The following PAK5 variants were observed in gnomAD, a reference collection of about 807,000 sequenced individuals.
The protein encoded by PAK5 is serine/threonine-protein kinase PAK 5.
In PAK5, 16 loss-of-function variants were observed where a neutral mutation model predicts 65.9. The ratio of observed to expected loss-of-function variants is 0.24; its 90% CI spans 0.16 to 0.37. The LOEUF is 0.37. Ranked by LOEUF, PAK5 falls within the 10% of genes least tolerant of loss-of-function variation. PAK5 has a pLI of 1.00. For synonymous variants in PAK5, 371 were observed against 354.9 expected (o/e 1.05, Z -0.51); for missense variants, 785 against 903.9 (o/e 0.87, Z 1.69).
intron 1 of PAK5, among the ~76,000 whole-genome samples, chr20:9,723,680 T>G (rs1322807416): frequency 1.3e-5 from 2 of 152,140 alleles, no homozygotes; most frequent in Non-Finnish European, 1.5e-5. Context: ...AGCTGGCAGG[T>G]GCAGAATGAG....
intron 2 of PAK5, among the ~76,000 whole-genome samples, chr20:9,666,538 AT>A (rs1262333115): frequency 6.6e-6 from 1 of 151,994 alleles, no homozygotes; most frequent in African/African-American, 2.4e-5. Context: ...GTTCCACAAC[AT>A]TTTGAGTTAT....
At chr20:9,722,834 C>A (rs2048233696) in intron 1 of PAK5, among the ~76,000 whole-genome samples, 1 of 151,278 alleles carries the variant, frequency 6.6e-6, no homozygotes, top group Non-Finnish European at 1.5e-5. Flanking sequence ...CCTCCCAGGC[C>A]CAACTGATTC....
intron 2 of PAK5, among the ~76,000 whole-genome samples, chr20:9,706,833 C>G (rs1454780397): frequency 1.3e-5 from 2 of 151,918 alleles, no homozygotes; most frequent in Non-Finnish European, 2.9e-5. Context: ...AAGAGATAAT[C>G]TTAACAATTT....
intron 1 of PAK5, among the ~76,000 whole-genome samples, chr20:9,780,465 T>A (rs2048929948): frequency 6.6e-6 from 1 of 152,128 alleles, no homozygotes; most frequent in Non-Finnish European, 1.5e-5. Context: ...GTTATCCATG[T>A]CTTGGAAGAT....
chr20:9,827,079 G>A (rs1978337686), intron 1 of PAK5, among the ~76,000 whole-genome samples: 1 of 152,134 alleles, frequency 6.6e-6, no homozygotes, highest in East Asian at 1.9e-4. Context: ...AACAGGTAGA[G>A]GGTTTAATCT....
chr20:9,756,621 T>C (rs2048637305), intron 1 of PAK5, among the ~76,000 whole-genome samples: 1 of 152,216 alleles, frequency 6.6e-6, no homozygotes, highest in South Asian at 2.1e-4. Flanking sequence ...GTTATCTACA[T>C]GTTAAAATGG....
rs748656973 is a variant in PAK5, at chr20:9,580,730, G to A, written c.405C>T (p.Ser135=). Residue 135 remains serine, a synonymous_variant, in exon 4 of 10, where the codon TCC becomes TCT. Transcript: ENST00000353224. ...FITFSQYSSE[S]DTTADYTTEK... ...CGGTCGTGTAGTCAGCAGTAGTATC[G>A]GATTCGCTGGAATACTGGGAGAAGG... 2.5e-6 allele frequency: 4 copies of A among 1,613,768 alleles called. No homozygotes were observed. Among genetic ancestry groups the A allele is most frequent in the East Asian group, 2.2e-5 (1 of 44,854 alleles).
In PAK5 at chr20:9,649,875, T is replaced by C. The variant is rs1443671103; in HGVS notation, c.-11-5536A>G. Among the ~76,000 whole-genome samples, 16 of 152,266 alleles carry C rather than the reference T, an allele frequency of 1.1e-4. No homozygotes were observed. In the East Asian group the frequency reaches 3.1e-3, roughly 29 times the overall value. On this transcript the variant is annotated intron_variant, in intron 2 of 9. Transcript: ENST00000353224. ...ATTCATATTGTAAGGACTATTATTATTTCTGCTACACAGATAAGGAAACTG... is the reference window on the plus strand; with the variant it reads ...ATTCATATTGTAAGGACTATTATTACTTCTGCTACACAGATAAGGAAACTG...
intron 1 of PAK5, among the ~76,000 whole-genome samples, chr20:9,749,980 A>G (rs1263545651): frequency 2.0e-5 from 3 of 152,316 alleles, no homozygotes; most frequent in African/African-American, 7.2e-5. Flanking sequence ...TTTCATTAAG[A>G]CAAATTATCC....
At chr20:9,713,914 A>G (rs992771091) in intron 1 of PAK5, among the ~76,000 whole-genome samples, 2 of 152,032 alleles carry the variant, frequency 1.3e-5, no homozygotes, top group Non-Finnish European at 2.9e-5. Flanking sequence ...ATATAGTTAG[A>G]TAGAAGGAAT....
rs75927108 is a variant in PAK5, at chr20:9,545,962, A to G, written c.1744-1468T>C. On this transcript the variant is annotated intron_variant, in intron 7 of 9. Coordinates refer to ENST00000353224, the MANE Select transcript of PAK5 (RefSeq NM_177990.4). Reference sequence around the variant, plus strand: ...TATCTCTGTGGCTTCAACACCCACAATAGTGCTTGGCCCATGATAGGTTTT... The same window carrying G: ...TATCTCTGTGGCTTCAACACCCACAGTAGTGCTTGGCCCATGATAGGTTTT... Among the ~76,000 whole-genome samples the G allele has an allele frequency of 5.2e-3, 795 of 152,290 alleles. 5 individuals are homozygous for G. The highest frequency in any genetic ancestry group is 7.5e-3 in the Non-Finnish European group (507 of 68,034).
intron 2 of PAK5, among the ~76,000 whole-genome samples, chr20:9,667,735 C>A (rs1178722577): frequency 6.6e-6 from 1 of 152,112 alleles, no homozygotes; most frequent in Non-Finnish European, 1.5e-5. Context: ...TGTCACACAG[C>A]AGTAGATCAC....
At chr20:9,618,916 T>C (rs7267867) in intron 3 of PAK5, among the ~76,000 whole-genome samples, 8 of 26,730 alleles carry the variant, frequency 3.0e-4, no homozygotes, top group Non-Finnish European at 1.6e-4. Context: ...CTTTCTTTCG[T>C]TTTTTTTTTT....
intron 4 of PAK5, among the ~76,000 whole-genome samples, chr20:9,570,459 C>T (rs148127147): frequency 3.3e-4 from 38 of 115,914 alleles, no homozygotes; most frequent in African/African-American, 1.7e-3. Context: ...ACAAGGAAAA[C>T]GTGTGTGTGT....
chr20:9,693,971 C>T (rs2047833029), intron 2 of PAK5, among the ~76,000 whole-genome samples: 1 of 151,462 alleles, frequency 6.6e-6, no homozygotes, highest in Admixed American at 6.6e-5. Flanking sequence ...GTCTATAGAA[C>T]CTGCCTATCA....
intron 3 of PAK5, among the ~76,000 whole-genome samples, chr20:9,635,361 C>T (rs2046970878): frequency 1.3e-5 from 2 of 152,128 alleles, no homozygotes; most frequent in African/African-American, 4.8e-5. Context: ...AGACCTGTGT[C>T]CTTCATGCAC....
At position 9,816,621 on chromosome 20, in the gene PAK5, T is replaced by C. The variant is rs575192373; in HGVS notation, c.-162+22141A>G. On this transcript the variant is annotated intron_variant, in intron 1 of 9. Transcript: ENST00000353224. The stretch of plus-strand genomic sequence containing the variant: ...ATCTCCTGTTCTCTGCACTCCTGGT[T>C]CTCAGGTATTCTGACTCAGATTGGA... Among the ~76,000 whole-genome samples the C allele has an allele frequency of 7.9e-5, 12 of 152,280 alleles. 1 individual carries two copies. The East Asian group carries it at 2.3e-3, about 29-fold the overall frequency.
chr20:9,690,750 C>CTTTTTTTT (rs112955560), intron 2 of PAK5, among the ~76,000 whole-genome samples: 54 of 103,896 alleles, frequency 5.2e-4, no homozygotes, highest in East Asian at 1.1e-3. Context: ...TTCTTTCTTT[C>CTTTTTTTT]TTTTTTTTTT....
At chr20:9,735,950 G>A (rs2123568357) in intron 1 of PAK5, among the ~76,000 whole-genome samples, 1 of 148,106 alleles carries the variant, frequency 6.8e-6, no homozygotes, top group East Asian at 2.0e-4. Flanking sequence ...TTCCTAGGCT[G>A]GAGTGCAATG....
Sources: allele counts gnomAD v4.1 joint callset (sites outside exome capture counted in the v4.1 genomes callset), GRCh38; gene constraint gnomAD v4.1.1; transcripts MANE v1.5; gene names NCBI Gene and HGNC (gene_info 2026-07-23, HGNC 2026-07-21).